Variants in BNC2 observed in about 807,000 individuals in gnomAD.
BNC2 encodes the protein basonuclin zinc finger protein 2.
In BNC2, 20 loss-of-function variants were observed where a neutral mutation model predicts 76.3. The ratio of observed to expected loss-of-function variants is 0.26; its 90% CI spans 0.18 to 0.38. The LOEUF is 0.38. BNC2 is among the 10% of genes least tolerant of loss of function. The pLI, the probability that BNC2 is intolerant of heterozygous loss-of-function variation, is 1.00. For missense variants in BNC2, 1,382 were observed against 1,399.8 expected (o/e 0.99, Z 0.20); for synonymous variants, 582 against 514.8 (o/e 1.13, Z -1.77).
At chr9:16,502,360 G>A (rs1822536845) in intron 5 of BNC2, among the ~76,000 whole-genome samples, 1 of 152,070 alleles carries the variant, frequency 6.6e-6, no homozygotes, top group Non-Finnish European at 1.5e-5. Context: ...ACAACAAAAA[G>A]AAGTTTCTAA....
chr9:16,581,274 C>G (rs1819623441), intron 4 of BNC2, among the ~76,000 whole-genome samples: 1 of 152,152 alleles, frequency 6.6e-6, no homozygotes, highest in Non-Finnish European at 1.5e-5. Flanking sequence ...CAAGAAGACA[C>G]CAGTGCTGGG....
At chr9:16,774,669 C>G (rs1249090810) in intron 1 of BNC2, among the ~76,000 whole-genome samples, 3 of 152,162 alleles carry the variant, frequency 2.0e-5, no homozygotes, top group African/African-American at 7.2e-5. Flanking sequence ...GTATTGTAAG[C>G]CTGTTTAAAC....
intron 5 of BNC2, among the ~76,000 whole-genome samples, chr9:16,545,660 A>C (rs1386259795): frequency 6.6e-6 from 1 of 152,142 alleles, no homozygotes; most frequent in African/African-American, 2.4e-5. Flanking sequence ...ATTTTCCCTG[A>C]GAGTACCTGC....
At chr9:16,698,341 A>C (rs1422022634) in intron 3 of BNC2, among the ~76,000 whole-genome samples, 2 of 152,150 alleles carry the variant, frequency 1.3e-5, no homozygotes, top group Non-Finnish European at 2.9e-5. Flanking sequence ...AAAATCCACA[A>C]ACCAAGAACT....
rs150983061 is a variant in BNC2, at chr9:16,842,534, G to A, written c.3+28112C>T. Among the ~76,000 whole-genome samples, 321 of 152,268 alleles carry A rather than the reference G, an allele frequency of 2.1e-3. 1 individual carries two copies. The highest frequency in any genetic ancestry group is 6.9e-3 in the African/African-American group (285 of 41,572). ...GGATAGAGTTTCTCTGTGGAGTGAC[G>A]AAAGCGTTCTAGAACTAAATAGTGT... is the stretch of plus-strand genomic sequence containing the variant. On this transcript the variant is annotated intron_variant, in intron 1 of 6. Coordinates refer to ENST00000380672, the MANE Select transcript of BNC2 (RefSeq NM_017637.6).
intron 5 of BNC2, among the ~76,000 whole-genome samples, chr9:16,501,758 A>C (rs1329266225): frequency 6.6e-6 from 1 of 152,204 alleles, no homozygotes; most frequent in African/African-American, 2.4e-5. Flanking sequence ...ATGAATGGCT[A>C]AGTGGGTTTT....
At chr9:16,776,464 T>A (rs951087129) in intron 1 of BNC2, among the ~76,000 whole-genome samples, 1 of 152,142 alleles carries the variant, frequency 6.6e-6, no homozygotes, top group Non-Finnish European at 1.5e-5. Context: ...AAATTCAGAT[T>A]AAAATTATTT....
chr9:16,436,854 C>T lies in BNC2; in HGVS notation c.1340G>A (p.Gly447Glu). ...RKGRVFCNACGKTFYDKGTLK... is the reference protein window; with the variant it reads ...RKGRVFCNACEKTFYDKGTLK... The stretch of plus-strand genomic sequence containing the variant: ...AGTACCTTTGTCATAGAATGTCTTC[C>T]CACATGCATTACAGAACACTCTTCC... Residue 447 changes from glycine (G) to glutamate (E), a missense_variant, in exon 6 of 7, where the codon GGG (glycine) becomes GAG (glutamate). This residue lies in a region of BNC2 where 27 missense variants were observed against 83.4 expected (regional missense o/e 0.32). Transcript: ENST00000380672. 1 of 1,614,044 alleles carries T rather than the reference C, an allele frequency of 6.2e-7. No individual in the cohort carries two copies. Among genetic ancestry groups the T allele is most frequent in the South Asian group, 1.1e-5 (1 of 91,068 alleles).
At chr9:16,527,039 G>T (rs1817827626) in intron 5 of BNC2, among the ~76,000 whole-genome samples, 1 of 152,182 alleles carries the variant, frequency 6.6e-6, no homozygotes, top group Non-Finnish European at 1.5e-5. Context: ...TTGGGGAAGT[G>T]TTGGAAGCAG....
Position 16,413,302 on chromosome 9 carries a change from C to T in BNC2, c.*5687G>A, listed in dbSNP as rs1273687808. 1.3e-5 allele frequency: 2 copies of T among 149,936 alleles called. No homozygotes were observed. The highest frequency in any genetic ancestry group is 2.5e-5 in the African/African-American group (1 of 40,728). The allele number at this position is 149,936 out of a possible 1,614,324, so 9.3% of individuals were successfully genotyped here. A position where few individuals can be genotyped will look rare whatever the true frequency, so the allele number is the denominator to read the frequency against. On this transcript the variant is annotated 3_prime_UTR_variant, in exon 7 of 7. Transcript: ENST00000380672. ...TATGTTGCTCCAAAAATATATATAG[C>T]ATTATAATGAACAATAATGCTGATC...
chr9:16,442,013 C>A (rs1821138831), intron 5 of BNC2, among the ~76,000 whole-genome samples: 1 of 152,186 alleles, frequency 6.6e-6, no homozygotes, highest in Non-Finnish European at 1.5e-5. Flanking sequence ...GAGTACATAA[C>A]TGAACTCTTG....
At chr9:16,856,532 C>A (rs1819262868) in intron 1 of BNC2, among the ~76,000 whole-genome samples, 1 of 152,142 alleles carries the variant, frequency 6.6e-6, no homozygotes, top group Non-Finnish European at 1.5e-5. Context: ...CCTCAGCCTC[C>A]CAAATAGTTG....
At chr9:16,478,508 T>G (rs762042812) in intron 5 of BNC2, among the ~76,000 whole-genome samples, 1 of 152,260 alleles carries the variant, frequency 6.6e-6, no homozygotes, top group African/African-American at 2.4e-5. Context: ...ATTTTCAGCT[T>G]AATATTTCTT....
Position 16,649,433 on chromosome 9 carries a change from T to G in BNC2, c.331-66348A>C, listed in dbSNP as rs1009169200. ...CACTGGCGACAGATCTTTCTTTCCA[T>G]AAGCCTAATGCTTTTCTTATGAACT... On this transcript the variant is annotated intron_variant, in intron 3 of 6. Coordinates refer to ENST00000380672, the MANE Select transcript of BNC2 (RefSeq NM_017637.6). Among the ~76,000 whole-genome samples the G allele has an allele frequency of 2.0e-5, 3 of 152,182 alleles. No homozygotes were observed. In the East Asian group the frequency reaches 5.8e-4, roughly 29 times the overall value.
intron 3 of BNC2, among the ~76,000 whole-genome samples, chr9:16,678,902 T>C (rs113684427): frequency 6.6e-6 from 1 of 152,192 alleles, no homozygotes; most frequent in Non-Finnish European, 1.5e-5. Context: ...TGTTCACTGA[T>C]TGTGCAAAGC....
chr9:16,659,371 G>GA lies in BNC2; in HGVS notation c.330+68425_330+68426insT, dbSNP rs1235833587. On this transcript the variant is annotated intron_variant, in intron 3 of 6. Coordinates refer to ENST00000380672, the MANE Select transcript of BNC2 (RefSeq NM_017637.6). ...TCACGCGTAATCACAGCACTTTGGG[G>GA]GGCCGAGGTGGGCAGATCAGGAGGT... Among the ~76,000 whole-genome samples, 11 of 151,766 alleles carry GA rather than the reference G, an allele frequency of 7.2e-5. 1 individual carries two copies. In the South Asian group the frequency reaches 1.7e-3, roughly 23 times the overall value.
chr9:16,592,243 G>A (rs531527546), intron 3 of BNC2, among the ~76,000 whole-genome samples: 2 of 152,200 alleles, frequency 1.3e-5, no homozygotes, highest in Non-Finnish European at 2.9e-5. Flanking sequence ...ATCAAATGAT[G>A]TTAAAAATCA....
intron 3 of BNC2, among the ~76,000 whole-genome samples, chr9:16,676,613 C>A (rs891601814): frequency 6.6e-6 from 1 of 152,186 alleles, no homozygotes; most frequent in East Asian, 1.9e-4. Context: ...AGTTCTCAGG[C>A]CATTCAACCA....
At chr9:16,443,642 T>C (rs1167881939) in intron 5 of BNC2, among the ~76,000 whole-genome samples, 2 of 152,124 alleles carry the variant, frequency 1.3e-5, no homozygotes, top group African/African-American at 4.8e-5. Context: ...GAGATATCTA[T>C]ACAATGGAAT....
Sources: allele counts gnomAD v4.1 joint callset (sites outside exome capture counted in the v4.1 genomes callset), GRCh38; gene constraint gnomAD v4.1.1; regional missense constraint gnomAD v4.1.1; transcripts MANE v1.5; gene names NCBI Gene and HGNC (gene_info 2026-07-23, HGNC 2026-07-21).